VPS26A: variants seen among roughly 807,000 people sequenced by gnomAD.
The protein encoded by VPS26A is VPS26 retromer complex component A.
A neutral mutation model predicts 42.4 loss-of-function variants in VPS26A; 22 were observed. The ratio of observed to expected loss-of-function variants is 0.52; its 90% CI spans 0.37 to 0.74. The LOEUF (loss-of-function observed/expected upper bound fraction) is 0.74, where lower values mean the gene tolerates loss of function less well. Among genes scored for constraint, VPS26A ranks in the 30% least tolerant of loss-of-function variants. The pLI is 0.00. For missense variants in VPS26A, 276 were observed against 379.2 expected (o/e 0.73, Z 2.26); for synonymous variants, 110 against 123.5 (o/e 0.89, Z 0.73).
intron 2 of VPS26A, among the ~76,000 whole-genome samples, chr10:69,136,363 C>A (rs548939829): frequency 6.6e-6 from 1 of 151,834 alleles, no homozygotes; most frequent in South Asian, 2.1e-4. Context: ...TTCCTGGGTC[C>A]AAGTGATTCT....
At chr10:69,153,448 C>T (rs900496693) in intron 2 of VPS26A, among the ~76,000 whole-genome samples, 1 of 151,806 alleles carries the variant, frequency 6.6e-6, no homozygotes, top group Non-Finnish European at 1.5e-5. Context: ...GGGTCAAAGG[C>T]TCCTCCTGCC....
chr10:69,143,905 T>C (rs1841098520), intron 2 of VPS26A, among the ~76,000 whole-genome samples: 1 of 152,048 alleles, frequency 6.6e-6, no homozygotes, highest in South Asian at 2.1e-4. Flanking sequence ...TTTTGTAGAG[T>C]TGGGGTCTCC....
chr10:69,141,191 A>G (rs1284309700), intron 2 of VPS26A, among the ~76,000 whole-genome samples: 1 of 152,232 alleles, frequency 6.6e-6, no homozygotes, highest in African/African-American at 2.4e-5. Flanking sequence ...AAATCTTCAA[A>G]AGTGGATATC....
intron 2 of VPS26A, among the ~76,000 whole-genome samples, chr10:69,144,121 ATTT>A (rs1841103297): frequency 1.3e-5 from 2 of 152,166 alleles, no homozygotes; most frequent in Admixed American, 6.5e-5. Flanking sequence ...GCAATTCTAG[ATTT>A]TCAGAAAAAT....
intron 1 of VPS26A, among the ~76,000 whole-genome samples, chr10:69,129,738 T>C (rs1488034148): frequency 6.6e-6 from 1 of 152,094 alleles, no homozygotes; most frequent in Non-Finnish European, 1.5e-5. Flanking sequence ...TTAGCCAGGC[T>C]GGTCTCGAAC....
intron 2 of VPS26A, among the ~76,000 whole-genome samples, chr10:69,135,758 T>C (rs1314495158): frequency 2.0e-5 from 3 of 152,130 alleles, no homozygotes; most frequent in African/African-American, 7.2e-5. Context: ...ATTTTTTTCA[T>C]TTTTAATGTT....
rs555463420 is a variant in VPS26A, at chr10:69,159,357, G to A, written c.551+1146G>A. ...GATCACGCCACTGCAGTCCAGCCTG[G>A]GTGACAGAGGGAGACTCCATCTCAA... On this transcript the variant is annotated intron_variant, in intron 5 of 8. Transcript: ENST00000263559. Among the ~76,000 whole-genome samples the A allele has an allele frequency of 3.3e-5, 5 of 151,634 alleles. No individual in the cohort carries two copies. The South Asian group carries it at 1.0e-3, about 32-fold the overall frequency.
chr10:69,166,161 A>G, intron 7 of VPS26A, 51 bp downstream of exon 7: 5 of 1,517,984 alleles, frequency 3.3e-6, no homozygotes, highest in Non-Finnish European at 4.5e-6. Context: ...ATCAGTGTTC[A>G]TGGCAGTTTT....
intron 2 of VPS26A, among the ~76,000 whole-genome samples, chr10:69,149,727 GTTTTTTGTTTTTTTTT>G (rs1323888728): frequency 0.027 from 2,522 of 93,880 alleles, 187 homozygotes; most frequent in Non-Finnish European, 0.03. Flanking sequence ...CTTTCTTGGT[GTTTTTTGTTTTTTTTT>G]TTTTTTTTTT....
At chr10:69,146,726 T>C (rs575674683) in intron 2 of VPS26A, among the ~76,000 whole-genome samples, 3 of 152,386 alleles carry the variant, frequency 2.0e-5, no homozygotes, top group East Asian at 1.9e-4. Flanking sequence ...ATCCATGTTA[T>C]TGCATGTATG....
At chr10:69,168,249 A>G (rs1044652779) in intron 7 of VPS26A, among the ~76,000 whole-genome samples, 2 of 152,190 alleles carry the variant, frequency 1.3e-5, no homozygotes, top group Non-Finnish European at 2.9e-5. Context: ...TACTACTGGT[A>G]TCTAGTGGGT....
At chr10:69,151,282 A>AAAAAAAAACAAAAAACAAAAAACACACAC (rs71035063) in intron 2 of VPS26A, among the ~76,000 whole-genome samples, 1 of 136,776 alleles carries the variant, frequency 7.3e-6, no homozygotes, top group African/African-American at 3.3e-5. Context: ...AAAAAAAAAA[A>AAAAAAAAACAAAAAACAAAAAACACACAC]ACACACACAC....
rs1841464711 is a variant in VPS26A at position 69,157,749 on chromosome 10, C to T, written c.387-298C>T. ...GAACTGGGTTTGACAACCCAAATTT[C>T]AAATAGCAGTTCCTTAAAGAAGTGA... On this transcript the variant is annotated intron_variant, in intron 4 of 8. Transcript: ENST00000263559. Among the ~76,000 whole-genome samples, 3 of 152,194 alleles carry T rather than the reference C, an allele frequency of 2.0e-5. 1 individual carries two copies. The South Asian group carries it at 6.2e-4, about 31-fold the overall frequency.
intron 2 of VPS26A, among the ~76,000 whole-genome samples, chr10:69,154,907 A>ACACT (rs1175380257): frequency 6.6e-6 from 1 of 151,952 alleles, no homozygotes; most frequent in African/African-American, 2.4e-5. Flanking sequence ...GTGCGTGCAC[A>ACACT]TATATATATT....
At chr10:69,131,115 A>T (rs1199850364) in intron 1 of VPS26A, among the ~76,000 whole-genome samples, 1 of 152,092 alleles carries the variant, frequency 6.6e-6, no homozygotes, top group Non-Finnish European at 1.5e-5. Flanking sequence ...CCTCCCGAGT[A>T]GCTGGGACTG....
intron 2 of VPS26A, among the ~76,000 whole-genome samples, chr10:69,155,082 T>G (rs576625703): frequency 9.9e-5 from 15 of 152,056 alleles, no homozygotes; most frequent in African/African-American, 3.4e-4. Flanking sequence ...CCCAAGAGGT[T>G]GAGGCTGCAG....
chr10:69,163,890 C>T (rs1278986305), intron 6 of VPS26A, among the ~76,000 whole-genome samples: 4 of 151,036 alleles, frequency 2.6e-5, no homozygotes, highest in East Asian at 1.9e-4. Context: ...CTCAGCCTCC[C>T]GAGTAGCTGG....
In VPS26A at chr10:69,153,768, C is replaced by G. The variant is rs984035528; in HGVS notation, c.154-2044C>G. Among the ~76,000 whole-genome samples, 3 of 151,986 alleles carry G rather than the reference C, an allele frequency of 2.0e-5. No homozygotes were observed. In the South Asian group the frequency reaches 6.3e-4, roughly 32 times the overall value. On this transcript the variant is annotated intron_variant, in intron 2 of 8. Coordinates refer to ENST00000263559, the MANE Select transcript of VPS26A (RefSeq NM_004896.5). ...GGAGGATTGCTTGAGGCCAGGTGTT[C>G]GAGACCAGCCTGGGCAATATATTGA...
intron 2 of VPS26A, among the ~76,000 whole-genome samples, chr10:69,135,799 A>G (rs190564627): frequency 6.6e-6 from 1 of 152,246 alleles, no homozygotes; most frequent in East Asian, 1.9e-4. Context: ...AGAAAACCAT[A>G]TACAACAAAA....
Sources: allele counts gnomAD v4.1 joint callset (sites outside exome capture counted in the v4.1 genomes callset), GRCh38; gene constraint gnomAD v4.1.1; transcripts MANE v1.5; gene names NCBI Gene and HGNC (gene_info 2026-07-23, HGNC 2026-07-21).